Variants in CNTN3 observed in about 807,000 individuals in gnomAD.
CNTN3 encodes the protein contactin 3, also known as contactin-3.
A neutral mutation model predicts 119.1 loss-of-function variants in CNTN3; 60 were observed. The observed-to-expected ratio is 0.50, with a 90% CI of 0.41 to 0.62. The LOEUF is 0.62. CNTN3 is among the 20% of genes least tolerant of loss of function. The pLI, the probability that CNTN3 is intolerant of heterozygous loss-of-function variation, is 0.00. For synonymous variants in CNTN3, 450 were observed against 438.7 expected, an observed-to-expected ratio of 1.03 and a Z score of -0.32; for missense variants, 1,101 against 1,242.4, an observed-to-expected ratio of 0.89 and a Z score of 1.71.
At chr3:74,291,248 G>A (rs1166580366) in intron 19 of CNTN3, among the ~76,000 whole-genome samples, 2 of 152,108 alleles carry the variant, frequency 1.3e-5, no homozygotes, top group Non-Finnish European at 2.9e-5. Context: ...TTTTATGGCT[G>A]CATAGTATTC....
Position 74,295,205 on chromosome 3 carries a change from T to A in CNTN3, c.2433A>T (p.Ala811=). ...EPTVAPSQVS[A]NSLSSSEIEV... is the part of the protein sequence containing the mutation. ...CAATTTCTGAGGAAGATAGGCTATT[T>A]GCAGAGACTTGAGATGGGGCCACTG... Residue 811 remains alanine, a synonymous_variant, in exon 19 of 23, where the codon GCA becomes GCT. Coordinates refer to ENST00000263665, the MANE Select transcript of CNTN3 (RefSeq NM_020872.3). 6.2e-7 allele frequency: 1 copy of A among 1,612,328 alleles called. No homozygotes were observed. Among genetic ancestry groups the A allele is most frequent in the Non-Finnish European group, 8.5e-7 (1 of 1,178,484 alleles).
intron 1 of CNTN3, among the ~76,000 whole-genome samples, chr3:74,585,047 C>T (rs1263472986): frequency 6.6e-6 from 1 of 152,120 alleles, no homozygotes; most frequent in Non-Finnish European, 1.5e-5. Context: ...TATAATCTAA[C>T]CAGTCAGGTA....
At chr3:74,486,071 A>T (rs931038522) in intron 4 of CNTN3, among the ~76,000 whole-genome samples, 5 of 143,740 alleles carry the variant, frequency 3.5e-5, no homozygotes, top group African/African-American at 1.3e-4. Flanking sequence ...AAAAGCAAGG[A>T]CCATCTCTGA....
At chr3:74,496,879 C>T (rs1703074756) in intron 3 of CNTN3, among the ~76,000 whole-genome samples, 1 of 151,844 alleles carries the variant, frequency 6.6e-6, no homozygotes, top group Non-Finnish European at 1.5e-5. Context: ...TCCAACATGG[C>T]CAATTAAGAG....
rs1704661337 is a variant in CNTN3, at chr3:74,589,503, T to C, written c.-81+24888A>G. On this transcript the variant is annotated intron_variant, in intron 1 of 22. Coordinates refer to ENST00000263665, the MANE Select transcript of CNTN3 (RefSeq NM_020872.3). ...GAGAAATAGGAACACTTTGACACTG[T>C]TGGTGGGACTGTAAACTAGTTCAAC... is the stretch of plus-strand genomic sequence containing the variant. 4.8e-5 allele frequency among the ~76,000 whole-genome samples: 7 copies of C among 146,984 alleles called. 1 individual carries two copies. In the South Asian group the frequency reaches 1.6e-3, roughly 33 times the overall value.
intron 5 of CNTN3, among the ~76,000 whole-genome samples, chr3:74,399,105 C>T (rs934631573): frequency 1.3e-5 from 2 of 151,938 alleles, no homozygotes; most frequent in African/African-American, 4.8e-5. Context: ...AATTTATTCT[C>T]CTATCTAACT....
intron 2 of CNTN3, among the ~76,000 whole-genome samples, chr3:74,507,069 T>A (rs1311458230): frequency 1.3e-5 from 2 of 152,096 alleles, no homozygotes; most frequent in African/African-American, 4.8e-5. Flanking sequence ...TATGAGCAAA[T>A]AATTATCCAA....
intron 4 of CNTN3, among the ~76,000 whole-genome samples, chr3:74,452,921 T>C (rs1292125040): frequency 5.3e-5 from 8 of 151,304 alleles, no homozygotes; most frequent in Non-Finnish European, 1.2e-4. Context: ...GGTTTGCCAG[T>C]ATTTTATTGA....
intron 21 of CNTN3, among the ~76,000 whole-genome samples, 178 bp from the exon 22 acceptor site, chr3:74,266,827 G>A (rs994353686): frequency 3.9e-5 from 6 of 152,100 alleles, no homozygotes; most frequent in Admixed American, 3.9e-4. Flanking sequence ...AGAATCATCA[G>A]GTTCTCAAAA....
chr3:74,435,259 C>T (rs375406178), intron 4 of CNTN3, among the ~76,000 whole-genome samples: 2 of 152,170 alleles, frequency 1.3e-5, no homozygotes, highest in Non-Finnish European at 2.9e-5. Context: ...ACTGTAACCT[C>T]TCCCTTCCAG....
rs1223651605 is a variant in CNTN3, at chr3:74,333,110, G to GT, written c.1668+1624dup. 2.0e-5 allele frequency among the ~76,000 whole-genome samples: 3 copies of GT among 152,370 alleles called. No homozygotes were observed. The East Asian group carries it at 5.8e-4, about 29-fold the overall frequency. On this transcript the variant is annotated intron_variant, in intron 13 of 22. Coordinates refer to ENST00000263665, the MANE Select transcript of CNTN3 (RefSeq NM_020872.3). The stretch of plus-strand genomic sequence containing the variant: ...GCAATTGGTGAAGTTCTCAAAGGCT[G>GT]TGAATCAGTCAGAACAATTAGAAAA...
intron 1 of CNTN3, among the ~76,000 whole-genome samples, chr3:74,563,264 G>A (rs1449448415): frequency 6.6e-6 from 1 of 152,116 alleles, no homozygotes; most frequent in African/African-American, 2.4e-5. Context: ...AACCCAGTAA[G>A]CCCAAAGTGG....
At chr3:74,412,978 A>G (rs1701462456) in intron 5 of CNTN3, among the ~76,000 whole-genome samples, 1 of 152,224 alleles carries the variant, frequency 6.6e-6, no homozygotes, top group South Asian at 2.1e-4. Context: ...ATAACTAAAG[A>G]AAAAATAAGA....
chr3:74,463,437 C>T (rs1702407639), intron 4 of CNTN3, among the ~76,000 whole-genome samples: 1 of 152,076 alleles, frequency 6.6e-6, no homozygotes, highest in South Asian at 2.1e-4. Context: ...GAGTGAAGTA[C>T]ACCTATCCCT....
intron 11 of CNTN3, among the ~76,000 whole-genome samples, chr3:74,351,779 A>G (rs1703822251): frequency 6.6e-6 from 1 of 152,170 alleles, no homozygotes; most frequent in Admixed American, 6.5e-5. Context: ...TGATTATCAC[A>G]CCATGAGCCC....
chr3:74,556,726 A>G (rs1009758500), intron 1 of CNTN3, among the ~76,000 whole-genome samples: 2 of 152,208 alleles, frequency 1.3e-5, no homozygotes, highest in African/African-American at 2.4e-5. Flanking sequence ...CTGTTTTCCA[A>G]TGTAACTCCA....
At chr3:74,550,145 T>A (rs1331993586) in intron 1 of CNTN3, among the ~76,000 whole-genome samples, 2 of 152,190 alleles carry the variant, frequency 1.3e-5, no homozygotes, top group Non-Finnish European at 2.9e-5. Flanking sequence ...GCTGCACATG[T>A]GGGTTCAAGT....
intron 4 of CNTN3, among the ~76,000 whole-genome samples, chr3:74,483,210 G>A (rs1702793411): frequency 6.6e-6 from 1 of 152,018 alleles, no homozygotes; most frequent in African/African-American, 2.4e-5. Context: ...AGCAGAGGGG[G>A]ACAGACTGGG....
intron 5 of CNTN3, among the ~76,000 whole-genome samples, chr3:74,404,630 G>A (rs1705278477): frequency 6.6e-6 from 1 of 151,942 alleles, no homozygotes; most frequent in Non-Finnish European, 1.5e-5. Flanking sequence ...GGAAAGCTAA[G>A]TTTTAGTATG....
Sources: allele counts gnomAD v4.1 joint callset (sites outside exome capture counted in the v4.1 genomes callset), GRCh38; gene constraint gnomAD v4.1.1; transcripts MANE v1.5; gene names NCBI Gene and HGNC (gene_info 2026-07-23, HGNC 2026-07-21).